MTUS2: variants seen among roughly 807,000 people sequenced by gnomAD.
MTUS2 encodes the protein microtubule-associated tumor suppressor candidate 2.
In MTUS2, 40 loss-of-function variants were observed where a neutral mutation model predicts 114.1. That is an observed-to-expected ratio of 0.35 (90% confidence interval 0.27 to 0.46). MTUS2 has a LOEUF of 0.46. Ranked by LOEUF, MTUS2 falls within the 20% of genes least tolerant of loss-of-function variation. The pLI, the probability that MTUS2 is intolerant of heterozygous loss-of-function variation, is 1.00. For missense variants in MTUS2, 1,679 were observed against 1,705.4 expected (o/e 0.98, Z 0.27); for synonymous variants, 688 against 672.0 (o/e 1.02, Z -0.37).
intron 4 of MTUS2, 94 bp from the exon 5 acceptor site, chr13:29,100,679 A>G (rs780480289): frequency 7.2e-7 from 1 of 1,382,524 alleles, no homozygotes; most frequent in Non-Finnish European, 9.9e-7. Context: ...TAGTCTGTTT[A>G]TGATAGAACT....
chr13:28,823,782 G>C (rs761794945), intron 1 of MTUS2, among the ~76,000 whole-genome samples: 50 of 152,152 alleles, frequency 3.3e-4, no homozygotes, highest in Non-Finnish European at 6.0e-4. Flanking sequence ...AGGTTTAATT[G>C]ACTCATATAG....
At chr13:29,048,921 A>G (rs1047756666) in intron 4 of MTUS2, among the ~76,000 whole-genome samples, 2 of 152,096 alleles carry the variant, frequency 1.3e-5, no homozygotes, top group African/African-American at 4.8e-5. Flanking sequence ...TAGCCCCCAT[A>G]GTATTCTTGA....
chr13:29,224,276 T>G (rs766437829), intron 5 of MTUS2, among the ~76,000 whole-genome samples: 1 of 152,200 alleles, frequency 6.6e-6, no homozygotes, highest in Non-Finnish European at 1.5e-5. Flanking sequence ...TATATTGTAA[T>G]TTACTTCAAA....
intron 8 of MTUS2, among the ~76,000 whole-genome samples, chr13:29,371,284 C>T (rs1406966465): frequency 6.9e-6 from 1 of 144,270 alleles, no homozygotes; most frequent in African/African-American, 2.5e-5. Flanking sequence ...GTGGTGTGAT[C>T]CTAGCTTACT....
At chr13:28,977,817 A>T (rs1443653207) in intron 2 of MTUS2, among the ~76,000 whole-genome samples, 1 of 152,232 alleles carries the variant, frequency 6.6e-6, no homozygotes, top group Admixed American at 6.5e-5. Flanking sequence ...TAGGAAATTC[A>T]AGTCTTAACT....
intron 11 of MTUS2, among the ~76,000 whole-genome samples, chr13:29,492,438 C>G (rs1307671275): frequency 6.6e-6 from 1 of 151,900 alleles, no homozygotes; most frequent in African/African-American, 2.4e-5. Context: ...CTCCCTTTCC[C>G]CAGTCCCTTC....
chr13:29,480,074 C>G lies in MTUS2; in HGVS notation c.3185-76C>G, dbSNP rs1288856098. ...TGTTTATTACGCCAGCCTTGATGAT[C>G]TGACCATGGAGGCTGAGTCCTTCCC... On this transcript the variant is annotated intron_variant, in intron 9 of 15. Coordinates refer to ENST00000612955, the MANE Select transcript of MTUS2 (RefSeq NM_001033602.4). The surrounding 1 kb of genome is among the most constrained non-coding windows in gnomAD (Gnocchi z 4.4). 7.7e-6 allele frequency: 11 copies of G among 1,433,656 alleles called. No individual in the cohort carries two copies. The highest frequency in any genetic ancestry group is 1.0e-5 in the Non-Finnish European group (11 of 1,049,620). 88.8% of individuals were successfully genotyped at this position (1,433,656 alleles called of 1,614,324 possible). A position where few individuals can be genotyped will look rare whatever the true frequency, so the allele number is the denominator to read the frequency against.
chr13:29,340,107 G>T (rs1378693044), intron 7 of MTUS2, among the ~76,000 whole-genome samples: 1 of 152,216 alleles, frequency 6.6e-6, no homozygotes, highest in Non-Finnish European at 1.5e-5. Flanking sequence ...ATAGGGTTCC[G>T]CACGGGCCAG....
intron 8 of MTUS2, among the ~76,000 whole-genome samples, chr13:29,375,577 AT>A (rs370508514): frequency 0.011 from 47 of 4,190 alleles, no homozygotes; most frequent in Middle Eastern, 0.12. Context: ...ATATATACAT[AT>A]ATATATATAC....
At chr13:29,266,499 G>T (rs1262259287) in intron 5 of MTUS2, among the ~76,000 whole-genome samples, 2 of 152,092 alleles carry the variant, frequency 1.3e-5, no homozygotes, top group Non-Finnish European at 2.9e-5. Flanking sequence ...GAGTAGTGGT[G>T]CTTTGGCAGA....
intron 2 of MTUS2, among the ~76,000 whole-genome samples, chr13:29,007,937 C>T (rs900340156): frequency 7.2e-5 from 11 of 152,114 alleles, no homozygotes; most frequent in Non-Finnish European, 1.3e-4. Flanking sequence ...CTAACTCCCA[C>T]GTTGTTCAGG....
At chr13:28,865,687 G>T (rs996753473) in intron 2 of MTUS2, among the ~76,000 whole-genome samples, 3 of 152,136 alleles carry the variant, frequency 2.0e-5, no homozygotes, top group African/African-American at 7.2e-5. Flanking sequence ...ACCATGGATG[G>T]ATTATGGCTT....
chr13:29,411,524 T>C (rs1875240147), intron 8 of MTUS2, among the ~76,000 whole-genome samples: 1 of 152,198 alleles, frequency 6.6e-6, no homozygotes, highest in Admixed American at 6.5e-5. Context: ...TGCATAAATG[T>C]TCCTTAATTT....
chr13:29,213,490 C>T (rs891546041), intron 5 of MTUS2, among the ~76,000 whole-genome samples: 4 of 152,194 alleles, frequency 2.6e-5, no homozygotes, highest in African/African-American at 9.6e-5. Context: ...TCAACTTTAT[C>T]AGCCTTTCCT....
intron 5 of MTUS2, among the ~76,000 whole-genome samples, chr13:29,163,289 C>A (rs186276141): frequency 3.5e-4 from 54 of 152,252 alleles, no homozygotes; most frequent in African/African-American, 1.2e-3. Context: ...GCCAGTGGGT[C>A]CTGGTCCTTG....
At chr13:29,470,546 C>T (rs1880209668) in intron 9 of MTUS2, among the ~76,000 whole-genome samples, 1 of 152,246 alleles carries the variant, frequency 6.6e-6, no homozygotes, top group Non-Finnish European at 1.5e-5. Flanking sequence ...ACACATTCTC[C>T]TCACTGATTG....
At chr13:29,246,317 A>T (rs1208067901) in intron 5 of MTUS2, among the ~76,000 whole-genome samples, 1 of 152,218 alleles carries the variant, frequency 6.6e-6, no homozygotes, top group Non-Finnish European at 1.5e-5. Flanking sequence ...AGGGTCCAAC[A>T]TCCGAGGCAG....
chr13:29,059,228 A>ATTTTTTTTTTTTTTTTTTT lies in MTUS2; in HGVS notation c.2446+25106_2446+25124dup, dbSNP rs35369352. On this transcript the variant is annotated intron_variant, in intron 4 of 15. Coordinates refer to ENST00000612955, the MANE Select transcript of MTUS2 (RefSeq NM_001033602.4). ...AGTCTTTGAAGTTGCTATTCTTTGG[A>ATTTTTTTTTTTTTTTTTTT]TTTTTTTTTTTTTTTTTTTTTGCTT... is the stretch of plus-strand genomic sequence containing the variant. 6.6e-4 allele frequency among the ~76,000 whole-genome samples: 64 copies of ATTTTTTTTTTTTTTTTTTT among 97,124 alleles called. 1 individual carries two copies. The highest frequency in any genetic ancestry group is 1.1e-3 in the Admixed American group (9 of 8,128). The allele number at this position is 97,124 out of a possible 152,430, so 63.7% of individuals were successfully genotyped here. A position where few individuals can be genotyped will look rare whatever the true frequency, so the allele number is the denominator to read the frequency against.
In MTUS2 at chr13:29,045,578, A is replaced by G. The variant is rs576149676; in HGVS notation, c.2446+11453A>G. On this transcript the variant is annotated intron_variant, in intron 4 of 15. Transcript: ENST00000612955. ...AGGGCAAGTGTAGGGTCTTGCCACC[A>G]CAGGTGGAGGTGGATTTCAAGTCCT... 2.8e-3 allele frequency among the ~76,000 whole-genome samples: 430 copies of G among 152,280 alleles called. 2 individuals are homozygous for G. Among genetic ancestry groups the G allele is most frequent in the African/African-American group, 9.6e-3 (399 of 41,554 alleles).
Sources: gnomAD v4.1 joint callset for allele counts (sites outside exome capture counted in the v4.1 genomes callset) on GRCh38, gnomAD v4.1.1 for gene constraint, Gnocchi (gnomAD v3.1) non-coding constraint, MANE v1.5 for transcripts, NCBI Gene and HGNC (gene_info 2026-07-23, HGNC 2026-07-21) for gene names.